Variants in ALDH3B1 observed in about 807,000 individuals in gnomAD.
ALDH3B1 encodes aldehyde dehydrogenase 3 family member B1, also known as aldehyde dehydrogenase family 3 member B1.
A neutral mutation model predicts 46.2 loss-of-function variants in ALDH3B1; 37 were observed. The ratio of observed to expected loss-of-function variants is 0.80; its 90% CI spans 0.62 to 1.05. The LOEUF is 1.05. Among genes scored for constraint, ALDH3B1 ranks in the 50% least tolerant of loss-of-function variants. The pLI is 0.00. For synonymous variants in ALDH3B1, 283 were observed against 281.0 expected (o/e 1.01, Z -0.07); for missense variants, 603 against 665.5 (o/e 0.91, Z 1.03).
chr11:68,028,034 G>T lies in ALDH3B1; in HGVS notation c.*95G>T, dbSNP rs1854624836. On this transcript the variant is annotated 3_prime_UTR_variant, in exon 10 of 10. Coordinates refer to ENST00000342456, the MANE Select transcript of ALDH3B1 (RefSeq NM_000694.4). ...GGGCTCCCGGGCCCGAGGAGGAAAAGGATTGCCAAGGCTCCAGGGCACCCC... is the reference window on the plus strand; with the variant it reads ...GGGCTCCCGGGCCCGAGGAGGAAAATGATTGCCAAGGCTCCAGGGCACCCC... 6.6e-7 allele frequency: 1 copy of T among 1,504,302 alleles called. No homozygotes were observed. The highest frequency in any genetic ancestry group is 1.4e-5 in the African/African-American group (1 of 72,916). The allele number at this position is 1,504,302 out of a possible 1,614,324, so 93.2% of individuals were successfully genotyped here. A position where few individuals can be genotyped will look rare whatever the true frequency, so the allele number is the denominator to read the frequency against.
At chr11:68,018,671 C>A in intron 3 of ALDH3B1, 34 bp downstream of exon 3, 1 of 1,552,580 alleles carries the variant, frequency 6.4e-7, no homozygotes, top group Non-Finnish European at 8.7e-7. Flanking sequence ...GCAGGGGGCT[C>A]AGGGGATATT....
Position 68,015,340 on chromosome 11 carries a change from T to C in ALDH3B1, c.43T>C (p.Phe15Leu). ...CACGCTGCGGCGACTGCGGGAGGCC[T>C]TCCACGCGGGGCGCACGCGGCCAGC... ...GDTLRRLREA[F>L]HAGRTRPAEF... Residue 15 changes from phenylalanine to leucine, a missense_variant, in exon 2 of 10, where the codon TTC (phenylalanine) becomes CTC (leucine). Phe to Leu is a conservative substitution (Grantham distance 22). Coordinates refer to ENST00000342456, the MANE Select transcript of ALDH3B1 (RefSeq NM_000694.4). The C allele has an allele frequency of 1.3e-6, 2 of 1,531,964 alleles. No homozygotes were observed. The highest frequency in any genetic ancestry group is 1.8e-6 in the Non-Finnish European group (2 of 1,135,196). 94.9% of individuals were successfully genotyped at this position (1,531,964 alleles called of 1,614,324 possible).
At chr11:68,016,629 C>T (rs1857356707) in intron 2 of ALDH3B1, 1 of 153,382 alleles carries the variant, frequency 6.5e-6, no homozygotes, top group Admixed American at 6.5e-5. Flanking sequence ...GCCCCTGCCT[C>T]AGGACACCAC....
intron 8 of ALDH3B1, chr11:68,024,707 A>G (rs1172059934): frequency 6.6e-6 from 1 of 152,210 alleles, no homozygotes; most frequent in African/African-American, 2.4e-5. Flanking sequence ...TTCTTCATCT[A>G]CGAAGCATAG....
intron 7 of ALDH3B1, among the ~76,000 whole-genome samples, chr11:68,022,182 C>T (rs143516474): frequency 3.3e-5 from 5 of 152,206 alleles, no homozygotes; most frequent in East Asian, 3.8e-4. Context: ...TCAGATTCTC[C>T]GAGCCCACAA....
In ALDH3B1 at chr11:68,021,737, A is replaced by G. The variant is rs1394035624; in HGVS notation, c.815A>G (p.Tyr272Cys). 1 of 1,614,026 alleles carries G rather than the reference A, an allele frequency of 6.2e-7. No homozygotes were observed. The highest frequency in any genetic ancestry group is 8.5e-7 in the Non-Finnish European group (1 of 1,180,014). ...PALQSTITRF[Y>C]GDDPQSSPNL... is the part of the protein sequence containing the mutation. ...CTGCAGAGCACCATCACCCGTTTCT[A>G]TGGCGACGACCCCCAGAGCTCCCCA... Residue 272 changes from tyrosine to cysteine, a missense_variant, in exon 7 of 10, where the codon TAT becomes TGT. Coordinates refer to ENST00000342456, the MANE Select transcript of ALDH3B1 (RefSeq NM_000694.4).
At position 68,015,468 on chromosome 11, in the gene ALDH3B1, G is replaced by T; in HGVS notation, c.162+9G>T. 1.3e-6 allele frequency: 2 copies of T among 1,567,758 alleles called. No individual in the cohort carries two copies. On this transcript the variant is annotated intron_variant, in intron 2 of 9. Coordinates refer to ENST00000342456, the MANE Select transcript of ALDH3B1 (RefSeq NM_000694.4). The stretch of plus-strand genomic sequence containing the variant: ...CCCAGGACCTGCACAAGGTGGGCTG[G>T]GGTTGGGGGTATGAGAGGGTGCACT...
intron 5 of ALDH3B1, 83 bp downstream of exon 5, chr11:68,019,338 G>T (rs1414670477): frequency 1.0e-5 from 13 of 1,250,554 alleles, no homozygotes; most frequent in Non-Finnish European, 1.4e-5. Flanking sequence ...GGGCCTGTCA[G>T]TCAGACCCGA....
At chr11:68,009,257 G>A (rs1857184963), upstream of ALDH3B1, among the ~76,000 whole-genome samples, 1 of 152,232 alleles carries the variant, frequency 6.6e-6, no homozygotes, top group African/African-American at 2.4e-5. Flanking sequence ...ATGGGGTGGT[G>A]TGGAGGAACA....
At chr11:68,022,855 G>C in intron 8 of ALDH3B1, 94 bp downstream of exon 8, 1 of 1,542,118 alleles carries the variant, frequency 6.5e-7, no homozygotes, top group South Asian at 1.2e-5. Context: ...AGTGGCTTCA[G>C]GACTTTGGGA....
At chr11:68,027,634 C>T in intron 9 of ALDH3B1, 115 bp from the exon 10 acceptor site, 1 of 1,138,666 alleles carries the variant, frequency 8.8e-7, no homozygotes, top group Non-Finnish European at 1.2e-6. Context: ...GATCAGCCCA[C>T]TGGACAGATG....
intron 2 of ALDH3B1, chr11:68,015,866 G>A (rs966114502): frequency 2.9e-6 from 1 of 344,996 alleles, no homozygotes; most frequent in Non-Finnish European, 5.7e-6. Flanking sequence ...AGGAGTTCAA[G>A]ACCATCCTGG....
chr11:68,027,365 G>A (rs1464850450), intron 9 of ALDH3B1, among the ~76,000 whole-genome samples: 1 of 152,042 alleles, frequency 6.6e-6, no homozygotes, highest in African/African-American at 2.4e-5. Flanking sequence ...TGGGTCCAGG[G>A]GTCTCAACAT....
intron 7 of ALDH3B1, among the ~76,000 whole-genome samples, chr11:68,022,343 C>A (rs1223290084): frequency 6.6e-6 from 1 of 152,236 alleles, no homozygotes; most frequent in Non-Finnish European, 1.5e-5. Flanking sequence ...TCACCCCTGA[C>A]TGTGAGACCA....
chr11:68,018,614 G>A lies in ALDH3B1; in HGVS notation c.250G>A (p.Asp84Asn). Residue 84 changes from aspartate to asparagine, a missense_variant, in exon 3 of 10, where the codon GAC becomes AAC. By Grantham distance (23) the Asp-to-Asn change is conservative (BLOSUM62 1). Coordinates refer to ENST00000342456, the MANE Select transcript of ALDH3B1 (RefSeq NM_000694.4). ...ALRNLRAWMK[D>N]ERVPKNLATQ... ...CAGGAACCTCCGGGCCTGGATGAAGGACGAGCGTGTGCCCAAGAACCTGGT... is the reference window on the plus strand; with the variant it reads ...CAGGAACCTCCGGGCCTGGATGAAGAACGAGCGTGTGCCCAAGAACCTGGT... 1 of 1,579,490 alleles carries A rather than the reference G, an allele frequency of 6.3e-7. No homozygotes were observed. Among genetic ancestry groups the A allele is most frequent in the Non-Finnish European group, 8.6e-7 (1 of 1,163,256 alleles).
intron 1 of ALDH3B1, among the ~76,000 whole-genome samples, chr11:68,010,982 C>T (rs1256143038): frequency 6.6e-6 from 1 of 152,234 alleles, no homozygotes; most frequent in Non-Finnish European, 1.5e-5. Context: ...GCTGTTCAGC[C>T]TCTTTGTGAC....
intron 8 of ALDH3B1, among the ~76,000 whole-genome samples, chr11:68,023,335 A>C: frequency 2.4e-5 from 3 of 125,008 alleles, no homozygotes; most frequent in East Asian, 2.3e-4. Flanking sequence ...ACAGAGTCTC[A>C]CTCTGTCACC....
rs563089229 is a variant in ALDH3B1, at chr11:68,022,714, C to T, written c.1069C>T (p.Arg357Trp). 47 of 1,614,162 alleles carry T rather than the reference C, an allele frequency of 2.9e-5. No homozygotes were observed. Among genetic ancestry groups the T allele is most frequent in the South Asian group, 2.6e-4 (24 of 91,080 alleles). ...SLDEAIEFIN[R>W]REKPLALYAF... ...GGACGAGGCCATCGAGTTCATCAAC[C>T]GGCGGGAGAAGCCCCTGGCCCTGTA... The change falls in exon 8 of 10, where the codon CGG (arginine) becomes TGG (tryptophan). Residue 357 changes from arginine (R) to tryptophan (W), a missense_variant. Arg to Trp is a moderately radical substitution (Grantham distance 101). Coordinates refer to ENST00000342456, the MANE Select transcript of ALDH3B1 (RefSeq NM_000694.4).
intron 6 of ALDH3B1, 43 bp downstream of exon 6, chr11:68,019,839 G>A: frequency 6.3e-7 from 1 of 1,598,540 alleles, no homozygotes; most frequent in Non-Finnish European, 8.6e-7. Flanking sequence ...GGTCGGGGAG[G>A]ACAGCTGCTC....
Sources: gnomAD v4.1 joint callset for allele counts (sites outside exome capture counted in the v4.1 genomes callset) on GRCh38, gnomAD v4.1.1 for gene constraint, MANE v1.5 for transcripts, NCBI Gene and HGNC (gene_info 2026-07-23, HGNC 2026-07-21) for gene names.